Variants in ZHX3 observed in about 807,000 individuals in gnomAD.
The protein encoded by ZHX3 is zinc fingers and homeoboxes protein 3.
A neutral mutation model predicts 64.5 loss-of-function variants in ZHX3; 20 were observed. That is an observed-to-expected ratio of 0.31 (90% confidence interval 0.22 to 0.45). The LOEUF is 0.45. Ranked by LOEUF, ZHX3 falls within the 20% of genes least tolerant of loss-of-function variation. ZHX3 has a pLI of 1.00. For missense variants in ZHX3, 1,041 were observed against 1,195.8 expected, an observed-to-expected ratio of 0.87 and a Z score of 1.91; for synonymous variants, 423 against 461.6, an observed-to-expected ratio of 0.92 and a Z score of 1.07.
chr20:41,204,765 T>C lies in ZHX3; in HGVS notation c.152A>G (p.Glu51Gly). 6.2e-7 allele frequency: 1 copy of C among 1,614,172 alleles called. No individual in the cohort carries two copies. The highest frequency in any genetic ancestry group is 1.3e-5 in the African/African-American group (1 of 75,060). ...LPPEASAASS[E>G]AAQNPSSTDG... ...AGTACTGCTGGGGTTCTGTGCTGCCTCACTGCTGGCAGCAGATGCTTCTGG... is the reference window on the plus strand; with the variant it reads ...AGTACTGCTGGGGTTCTGTGCTGCCCCACTGCTGGCAGCAGATGCTTCTGG... Residue 51 changes from glutamate to glycine, a missense_variant, in exon 3 of 4, where the codon GAG becomes GGG. Physicochemically the swap from Glu to Gly is moderately conservative, Grantham distance 98. Coordinates refer to ENST00000683867, the MANE Select transcript of ZHX3 (RefSeq NM_001384317.1). The surrounding 1 kb of genome is among the most constrained non-coding windows in gnomAD (Gnocchi z 6.6).
At chr20:41,215,630 A>G (rs2039464772) in intron 2 of ZHX3, among the ~76,000 whole-genome samples, 1 of 152,078 alleles carries the variant, frequency 6.6e-6, no homozygotes, top group Admixed American at 6.6e-5. Context: ...ATCACCCAGT[A>G]TTTATCATTA....
chr20:41,232,542 AT>A lies in ZHX3; in HGVS notation c.-150-27477del, dbSNP rs1021033163. Among the ~76,000 whole-genome samples the A allele has an allele frequency of 6.6e-6, 1 of 152,184 alleles. No homozygotes were observed. On this transcript the variant is annotated intron_variant, in intron 2 of 3. Transcript: ENST00000683867. The surrounding 1 kb of genome is among the most constrained non-coding windows in gnomAD (Gnocchi z 5.0). ...GAGTGGAAAAGAAAGAGATATGAAA[AT>A]TGAAACACAGCACCCTCTGGTGTAC...
At chr20:41,238,423 G>C (rs1227576359) in intron 2 of ZHX3, among the ~76,000 whole-genome samples, 1 of 152,006 alleles carries the variant, frequency 6.6e-6, no homozygotes, top group Non-Finnish European at 1.5e-5. Context: ...CTGGAGAAGA[G>C]AAGAAGGAAG....
At chr20:41,261,777 T>C (rs190518645) in intron 2 of ZHX3, among the ~76,000 whole-genome samples, 1 of 152,374 alleles carries the variant, frequency 6.6e-6, no homozygotes, top group African/African-American at 2.4e-5. Context: ...CTTATGGCTT[T>C]GATATCCTCC....
rs963811882 is a variant in ZHX3, at chr20:41,184,350, G to A, written c.*841C>T. On this transcript the variant is annotated 3_prime_UTR_variant, in exon 4 of 4. Transcript: ENST00000683867. ...ATGTCTAGATTAAAAAAAAAATGCAGGCACATAGGTCAGCACATTAGGCTT... is the reference window on the plus strand; with the variant it reads ...ATGTCTAGATTAAAAAAAAAATGCAAGCACATAGGTCAGCACATTAGGCTT... 1 of 151,740 alleles carries A rather than the reference G, an allele frequency of 6.6e-6. No individual in the cohort carries two copies. The highest frequency in any genetic ancestry group is 2.4e-5 in the African/African-American group (1 of 41,284). 9.4% of individuals were successfully genotyped at this position (151,740 alleles called of 1,614,324 possible).
At chr20:41,244,586 CAGTAGGA>C in intron 2 of ZHX3, among the ~76,000 whole-genome samples, 1 of 152,202 alleles carries the variant, frequency 6.6e-6, no homozygotes, top group East Asian at 1.9e-4. Flanking sequence ...GATGAATGTC[CAGTAGGA>C]CCCTGATTGG....
At chr20:41,225,945 T>C (rs1257218597) in intron 2 of ZHX3, among the ~76,000 whole-genome samples, 2 of 152,216 alleles carry the variant, frequency 1.3e-5, no homozygotes, top group Non-Finnish European at 2.9e-5. Context: ...CCCTGGCAAC[T>C]ACCATACTAC....
rs1032691106 is a variant in ZHX3 at position 41,220,672 on chromosome 20, G to GT, written c.-150-15607dup. Reference sequence around the variant, plus strand: ...TTTCTATATGATACAGTTTTTTTTGGTTTTTTTTGTTTTGTTTTGTTTTTG... The same window carrying GT: ...TTTCTATATGATACAGTTTTTTTTGGTTTTTTTTTGTTTTGTTTTGTTTTTG... On this transcript the variant is annotated intron_variant, in intron 2 of 3. Transcript: ENST00000683867. Among the ~76,000 whole-genome samples, 148 of 151,350 alleles carry GT rather than the reference G, an allele frequency of 9.8e-4. 1 individual carries two copies. The highest frequency in any genetic ancestry group is 3.3e-3 in the African/African-American group (137 of 41,268).
chr20:41,251,999 A>T (rs2042016185), intron 2 of ZHX3, among the ~76,000 whole-genome samples: 1 of 152,234 alleles, frequency 6.6e-6, no homozygotes, highest in Admixed American at 6.5e-5. Context: ...TGGCTTTTAT[A>T]ACTTAAAAAA....
intron 1 of ZHX3, among the ~76,000 whole-genome samples, chr20:41,287,521 G>A (rs1233694208): frequency 5.3e-5 from 8 of 152,272 alleles, no homozygotes; most frequent in Admixed American, 4.6e-4. Context: ...ATGATGAAAT[G>A]TCACTTCCAA....
intron 2 of ZHX3, among the ~76,000 whole-genome samples, chr20:41,262,358 C>T (rs2042604915): frequency 6.6e-6 from 1 of 152,170 alleles, no homozygotes; most frequent in Non-Finnish European, 1.5e-5. Flanking sequence ...GAATCTGGCC[C>T]CAACATCCCT....
chr20:41,259,057 C>T lies in ZHX3; in HGVS notation c.-151+9933G>A, dbSNP rs576356751. 7.6e-4 allele frequency among the ~76,000 whole-genome samples: 115 copies of T among 152,242 alleles called. 2 individuals are homozygous for T. Among genetic ancestry groups the T allele is most frequent in the African/African-American group, 2.7e-3 (113 of 41,556 alleles). ...TATAATTGTGGAGCTCTCATAACCC[C>T]ACCTTCAGAGATTAGCACTATAGAT... On this transcript the variant is annotated intron_variant, in intron 2 of 3. Transcript: ENST00000683867.
chr20:41,236,303 C>T (rs1224459904), intron 2 of ZHX3, among the ~76,000 whole-genome samples: 10 of 152,226 alleles, frequency 6.6e-5, no homozygotes, highest in Admixed American at 3.3e-4. Context: ...AAAAAGAGCC[C>T]GCATTGCCAA....
intron 2 of ZHX3, among the ~76,000 whole-genome samples, chr20:41,265,303 A>G (rs1054793071): frequency 7.2e-5 from 11 of 151,892 alleles, no homozygotes; most frequent in Non-Finnish European, 1.3e-4. Context: ...CCCGGGTTCA[A>G]GCAATTCTCC....
At chr20:41,252,421 T>G (rs2042034514) in intron 2 of ZHX3, among the ~76,000 whole-genome samples, 1 of 152,166 alleles carries the variant, frequency 6.6e-6, no homozygotes, top group Non-Finnish European at 1.5e-5. Flanking sequence ...GTTTTCTTAA[T>G]CCATCACCTG....
At chr20:41,255,839 C>A (rs905999915) in intron 2 of ZHX3, among the ~76,000 whole-genome samples, 4 of 152,130 alleles carry the variant, frequency 2.6e-5, no homozygotes, top group African/African-American at 9.7e-5. Flanking sequence ...TTGGCCACTG[C>A]CAGCTGGCCA....
chr20:41,189,441 TTTAATA>T (rs1451692581), intron 3 of ZHX3, among the ~76,000 whole-genome samples: 4 of 152,210 alleles, frequency 2.6e-5, no homozygotes, highest in African/African-American at 9.6e-5. Context: ...GTGTGGCCAT[TTTAATA>T]TTAATTTTTC....
At chr20:41,312,979 T>C (rs1386458568) in intron 1 of ZHX3, among the ~76,000 whole-genome samples, 1 of 152,046 alleles carries the variant, frequency 6.6e-6, no homozygotes, top group African/African-American at 2.4e-5. Context: ...AGACAGGGAA[T>C]CATCCATCTG....
rs747576077 is a variant in ZHX3 at position 41,219,673 on chromosome 20, A to G, written c.-150-14607T>C. Among the ~76,000 whole-genome samples, 4 of 152,280 alleles carry G rather than the reference A, an allele frequency of 2.6e-5. No individual in the cohort carries two copies. The highest frequency in any genetic ancestry group is 4.8e-5 in the African/African-American group (2 of 41,476). ...TTTTGAAAAGATGCTAGCTAGCCCT[A>G]TAACTCAAGAAGCTAACAGTCTGTT... On this transcript the variant is annotated intron_variant, in intron 2 of 3. Transcript: ENST00000683867. The surrounding 1 kb of genome is among the most constrained non-coding windows in gnomAD (Gnocchi z 5.0).
Sources: allele counts gnomAD v4.1 joint callset (sites outside exome capture counted in the v4.1 genomes callset), GRCh38; gene constraint gnomAD v4.1.1; non-coding constraint Gnocchi (gnomAD v3.1); transcripts MANE v1.5; gene names NCBI Gene and HGNC (gene_info 2026-07-23, HGNC 2026-07-21).